The following LHX9 variants were observed in gnomAD, a reference collection of about 807,000 sequenced individuals.
LHX9 encodes the protein LIM homeobox 9, also known as LIM/homeobox protein Lhx9.
A neutral mutation model predicts 36.5 loss-of-function variants in LHX9; 9 were observed. The ratio of observed to expected loss-of-function variants is 0.25; its 90% confidence interval spans 0.15 to 0.43. The LOEUF is 0.43. LHX9 is among the 20% of genes least tolerant of loss of function. The pLI is 1.00. For missense variants in LHX9, 464 were observed against 526.4 expected (o/e 0.88, Z 1.16); for synonymous variants, 211 against 212.1 (o/e 0.99, Z 0.04).
At chr1:197,919,751 G>C (rs554095251) in intron 1 of LHX9, among the ~76,000 whole-genome samples, 1 of 152,214 alleles carries the variant, frequency 6.6e-6, no homozygotes, top group African/African-American at 2.4e-5. Flanking sequence ...TAGTAGTCCC[G>C]GGAGGACGCG....
rs973500083 is a variant in LHX9 at position 197,929,694 on chromosome 1, T to C, written c.*435T>C. The C allele has an allele frequency of 2.1e-6, 2 of 934,116 alleles. No homozygotes were observed. Among genetic ancestry groups the C allele is most frequent in the Admixed American group, 6.2e-5 (1 of 16,220 alleles). The allele number at this position is 934,116 out of a possible 1,614,324, so 57.9% of individuals were successfully genotyped here. On this transcript the variant is annotated 3_prime_UTR_variant, in exon 5 of 5. Transcript: ENST00000367387. ...AATTAATTAGTTACTTTTTAAATCT[T>C]GCAATTGTATGTGTGATTATGGAGT...
chr1:197,928,743 C>G (rs1371823638), intron 4 of LHX9, among the ~76,000 whole-genome samples: 1 of 151,928 alleles, frequency 6.6e-6, no homozygotes, highest in South Asian at 2.1e-4. Flanking sequence ...CCAAGTGGCA[C>G]TTGTTAATGC....
chr1:197,918,791 A>T (rs1285148655), intron 1 of LHX9: 4 of 18,684 alleles, frequency 2.1e-4, no homozygotes, highest in Non-Finnish European at 4.0e-4. Flanking sequence ...TTTCCAGATT[A>T]CTAACGGGGG....
upstream of LHX9, chr1:197,912,605 C>CAGAGAA: frequency 6.3e-7 from 1 of 1,590,126 alleles, no homozygotes; most frequent in Non-Finnish European, 8.6e-7. Flanking sequence ...GCCCCTTGGG[C>CAGAGAA]CAGTGCGTAT....
In LHX9 at chr1:197,930,770, T is replaced by G. The variant is rs1660308502; in HGVS notation, c.*1511T>G. 1 of 151,904 alleles carries G rather than the reference T, an allele frequency of 6.6e-6. No homozygotes were observed. The highest frequency in any genetic ancestry group is 2.1e-4 in the South Asian group (1 of 4,810). The allele number at this position is 151,904 out of a possible 1,614,324, so 9.4% of individuals were successfully genotyped here. On this transcript the variant is annotated 3_prime_UTR_variant, in exon 5 of 5. Transcript: ENST00000367387. ...GAAAATTAGCACAGAAAGTAGCTTA[T>G]TTTTTAAAAAAAGATGATGGAAGAT...
At chr1:197,925,267 T>C (rs1432926054) in intron 3 of LHX9, among the ~76,000 whole-genome samples, 1 of 152,220 alleles carries the variant, frequency 6.6e-6, no homozygotes, top group Non-Finnish European at 1.5e-5. Context: ...TTTCATTAAA[T>C]CTTACTACAA....
At chr1:197,917,239 G>C, upstream of LHX9, 5 of 1,204,942 alleles carry the variant, frequency 4.1e-6, no homozygotes, top group South Asian at 1.6e-5. Flanking sequence ...AGGGGGTTGA[G>C]AGGAGTATGA....
upstream of LHX9, chr1:197,912,500 T>A: frequency 2.5e-6 from 4 of 1,613,858 alleles, no homozygotes; most frequent in Non-Finnish European, 3.4e-6. Flanking sequence ...GCAACCACCA[T>A]TACGGCGTGA....
At chr1:197,920,816 C>A (rs1250261099) in intron 2 of LHX9, among the ~76,000 whole-genome samples, 1 of 152,126 alleles carries the variant, frequency 6.6e-6, no homozygotes, top group African/African-American at 2.4e-5. Context: ...TCAGCCCAAG[C>A]AAGATAAGTT....
chr1:197,915,951 G>A (rs1659735747), upstream of LHX9: 1 of 151,958 alleles, frequency 6.6e-6, no homozygotes, highest in Non-Finnish European at 1.5e-5. Context: ...CCCCCGGGCG[G>A]AGGGAAGCGG....
Position 197,919,933 on chromosome 1 carries a change from G to T in LHX9, c.175-39G>T. 3 of 1,603,138 alleles carry T rather than the reference G, an allele frequency of 1.9e-6. 1 individual carries two copies. The highest frequency in any genetic ancestry group is 8.5e-7 in the Non-Finnish European group (1 of 1,173,528). ...GAACCCCGCGTCGTGCGGCTACACC[G>T]CGCGCCCTCCTCAGCCTTGCGGTGT... On this transcript the variant is annotated intron_variant, in intron 1 of 4. Transcript: ENST00000367387.
intron 2 of LHX9, among the ~76,000 whole-genome samples, chr1:197,920,844 C>G (rs986227530): frequency 6.6e-6 from 1 of 152,166 alleles, no homozygotes; most frequent in Non-Finnish European, 1.5e-5. Flanking sequence ...AAATAATAAC[C>G]TTTCCTTTAC....
In LHX9 at chr1:197,917,780, T is replaced by G; in HGVS notation, c.-44T>G. On this transcript the variant is annotated 5_prime_UTR_variant, in exon 1 of 5. Transcript: ENST00000367387. ...TACAGGGCAGCCCTCTCTGGTCCCT[T>G]GCCTCCTTCACTCGGATGAGCTGAA... 1 of 1,613,898 alleles carries G rather than the reference T, an allele frequency of 6.2e-7. No homozygotes were observed. Among genetic ancestry groups the G allele is most frequent in the Non-Finnish European group, 8.5e-7 (1 of 1,179,876 alleles).
At chr1:197,920,844 C>A (rs986227530) in intron 2 of LHX9, among the ~76,000 whole-genome samples, 1 of 152,166 alleles carries the variant, frequency 6.6e-6, no homozygotes, top group African/African-American at 2.4e-5. Flanking sequence ...AAATAATAAC[C>A]TTTCCTTTAC....
At position 197,929,573 on chromosome 1, in the gene LHX9, T is replaced by G. The variant is rs2102603716; in HGVS notation, c.*314T>G. The G allele has an allele frequency of 2.1e-6, 2 of 941,532 alleles. No individual in the cohort carries two copies. Among genetic ancestry groups the G allele is most frequent in the East Asian group, 1.1e-4 (1 of 9,040 alleles). The allele number at this position is 941,532 out of a possible 1,614,324, so 58.3% of individuals were successfully genotyped here. The stretch of plus-strand genomic sequence containing the variant: ...CCTCTTAAAATTGTATGTTACTTAT[T>G]TCCAGAATCTCGAAGAAAAAAGAAA... On this transcript the variant is annotated 3_prime_UTR_variant, in exon 5 of 5. Coordinates refer to ENST00000367387, the MANE Select transcript of LHX9 (RefSeq NM_020204.3).
At position 197,935,427 on chromosome 1, in the gene LHX9, T is replaced by C. The variant is rs1257872795; in HGVS notation, c.*6168T>C. ...TGATCTTATAAATTAACCTGAAGAG[T>C]AATTGGATACCTTTTATGGTTATTT... On this transcript the variant is annotated 3_prime_UTR_variant, in exon 5 of 5. Coordinates refer to ENST00000367387, the MANE Select transcript of LHX9 (RefSeq NM_020204.3). 1 of 152,152 alleles carries C rather than the reference T, an allele frequency of 6.6e-6. No individual in the cohort carries two copies. The highest frequency in any genetic ancestry group is 2.4e-5 in the African/African-American group (1 of 41,436). The allele number at this position is 152,152 out of a possible 1,614,324, so 9.4% of individuals were successfully genotyped here. A position where few individuals can be genotyped will look rare whatever the true frequency, so the allele number is the denominator to read the frequency against.
At chr1:197,925,251 A>G (rs556582333) in intron 3 of LHX9, among the ~76,000 whole-genome samples, 1 of 152,328 alleles carries the variant, frequency 6.6e-6, no homozygotes, top group African/African-American at 2.4e-5. Context: ...GTTTTAAGGG[A>G]AGCCATTTCA....
At position 197,934,432 on chromosome 1, in the gene LHX9, T is replaced by C. The variant is rs1240678999; in HGVS notation, c.*5173T>C. On this transcript the variant is annotated 3_prime_UTR_variant, in exon 5 of 5. Transcript: ENST00000367387. The stretch of plus-strand genomic sequence containing the variant: ...GGATAATACTGTTGTAAAAAATAAA[T>C]ATAAACACCTAATTTTGTATGAAGT... 1 of 152,148 alleles carries C rather than the reference T, an allele frequency of 6.6e-6. No homozygotes were observed. The highest frequency in any genetic ancestry group is 1.9e-4 in the East Asian group (1 of 5,196). 9.4% of individuals were successfully genotyped at this position (152,148 alleles called of 1,614,324 possible).
intron 1 of LHX9, chr1:197,918,298 C>T (rs1202963046): frequency 1.4e-6 from 1 of 717,348 alleles, no homozygotes; most frequent in Non-Finnish European, 2.6e-6. Context: ...CCTCAAGGTT[C>T]CCTTGATTCC....
Sources: allele counts gnomAD v4.1 joint callset (sites outside exome capture counted in the v4.1 genomes callset), GRCh38; gene constraint gnomAD v4.1.1; transcripts MANE v1.5; gene names NCBI Gene and HGNC (gene_info 2026-07-23, HGNC 2026-07-21).